PTCSC3: variants seen among roughly 807,000 people sequenced by gnomAD.
PTCSC3 encodes papillary thyroid carcinoma susceptibility candidate 3 (non-protein coding).
intron 3 of PTCSC3, among the ~76,000 whole-genome samples, chr14:36,139,047 G>A (rs1228586242): frequency 6.6e-6 from 1 of 151,074 alleles, no homozygotes; most frequent in Non-Finnish European, 1.5e-5. Flanking sequence ...CCAGGAGGCG[G>A]AGCTTGCACT....
chr14:36,143,181 G>C (rs1881467563), intron 3 of PTCSC3, among the ~76,000 whole-genome samples: 1 of 148,810 alleles, frequency 6.7e-6, no homozygotes, highest in Admixed American at 6.7e-5. Context: ...CCAGTAATGG[G>C]ATGGCTGGGT....
chr14:36,154,214 C>T (rs1044386557), intron 2 of PTCSC3, among the ~76,000 whole-genome samples: 5 of 151,972 alleles, frequency 3.3e-5, no homozygotes, highest in African/African-American at 1.2e-4. Context: ...AAGGAGATAA[C>T]GAGTGGGAGG....
chr14:36,154,828 T>G (rs1482626410), intron 2 of PTCSC3, among the ~76,000 whole-genome samples: 1 of 152,190 alleles, frequency 6.6e-6, no homozygotes, highest in Non-Finnish European at 1.5e-5. Context: ...TGTCTGTAAA[T>G]AATTTTAATT....
At chr14:36,140,663 C>A (rs566382651) in intron 3 of PTCSC3, among the ~76,000 whole-genome samples, 2 of 152,090 alleles carry the variant, frequency 1.3e-5, no homozygotes, top group Non-Finnish European at 2.9e-5. Flanking sequence ...ATAGTTCATC[C>A]ATTTTTTAAT....
intron 2 of PTCSC3, among the ~76,000 whole-genome samples, chr14:36,156,444 T>C (rs1881827481): frequency 6.7e-6 from 1 of 150,032 alleles, no homozygotes; most frequent in South Asian, 2.1e-4. Flanking sequence ...CATTCATTCC[T>C]TTTTCTTTTT....
chr14:36,166,017 T>G (rs537871721), intron 1 of PTCSC3, among the ~76,000 whole-genome samples: 1 of 152,300 alleles, frequency 6.6e-6, no homozygotes, highest in South Asian at 2.1e-4. Context: ...CTAAACTTAC[T>G]GCAAAATAAA....
chr14:36,157,991 T>G (rs932702339), intron 2 of PTCSC3, among the ~76,000 whole-genome samples: 10 of 152,216 alleles, frequency 6.6e-5, no homozygotes, highest in African/African-American at 2.4e-4. Flanking sequence ...TAAGTTGGAT[T>G]CCTAGGTGTT....
intron 1 of PTCSC3, among the ~76,000 whole-genome samples, chr14:36,169,673 C>T (rs1242919629): frequency 6.6e-6 from 1 of 152,126 alleles, no homozygotes; most frequent in African/African-American, 2.4e-5. Context: ...AGCAGTACCT[C>T]TTTGTCCTCC....
At chr14:36,159,714 A>G (rs1174082347) in intron 2 of PTCSC3, among the ~76,000 whole-genome samples, 1 of 152,188 alleles carries the variant, frequency 6.6e-6, no homozygotes, top group East Asian at 1.9e-4. Context: ...AAGAATGTAT[A>G]TTCTGTTGAT....
At chr14:36,142,941 AATG>A (rs2139089629) in intron 3 of PTCSC3, among the ~76,000 whole-genome samples, 1 of 151,856 alleles carries the variant, frequency 6.6e-6, no homozygotes, top group African/African-American at 2.4e-5. Flanking sequence ...GTTTACTGAG[AATG>A]ATGATTTCCA....
rs1882270444 is a variant in PTCSC3 at position 36,175,705 on chromosome 14, A to G, written n.171+593T>C. Among the ~76,000 whole-genome samples, 6 of 152,362 alleles carry G rather than the reference A, an allele frequency of 3.9e-5. No homozygotes were observed. The South Asian group carries it at 1.2e-3, about 32-fold the overall frequency. On this transcript the variant is annotated intron_variant and non_coding_transcript_variant, in intron 1 of 3. Coordinates refer to ENST00000556013, the Ensembl canonical transcript of PTCSC3. ...TATGACTTATCTACCAATTAACTCT[A>G]TGATCTTGGGCCTACAGCTATATTT...
intron 1 of PTCSC3, among the ~76,000 whole-genome samples, chr14:36,175,116 C>T (rs1882259929): frequency 6.6e-6 from 1 of 152,164 alleles, no homozygotes. Context: ...ATTCAGGCTC[C>T]ATAGTTTCTA....
At position 36,138,941 on chromosome 14, in the gene PTCSC3, C is replaced by T. The variant is rs139840239; in HGVS notation, n.323-2585G>A. On this transcript the variant is annotated intron_variant and non_coding_transcript_variant, in intron 3 of 3. Coordinates refer to ENST00000556013, the Ensembl canonical transcript of PTCSC3. ...CATCCTGGCTAACACGGTGAAACCC[C>T]GTCTCTACTAAAAATACAAAAAATT... Among the ~76,000 whole-genome samples the T allele has an allele frequency of 2.8e-3, 419 of 151,826 alleles. 1 individual carries two copies. The highest frequency in any genetic ancestry group is 3.8e-3 in the Non-Finnish European group (255 of 67,932).
intron 3 of PTCSC3, among the ~76,000 whole-genome samples, chr14:36,149,920 G>T (rs1291202251): frequency 6.6e-6 from 1 of 152,012 alleles, no homozygotes; most frequent in Non-Finnish European, 1.5e-5. Flanking sequence ...TTGGACTTTG[G>T]AATATTTGTA....
At chr14:36,159,012 T>A (rs1250728951) in intron 2 of PTCSC3, among the ~76,000 whole-genome samples, 1 of 152,114 alleles carries the variant, frequency 6.6e-6, no homozygotes. Context: ...ATTTATCCAT[T>A]TCTTCTAGAT....
intron 1 of PTCSC3, among the ~76,000 whole-genome samples, chr14:36,169,632 TATCA>T (rs1428400614): frequency 7.2e-5 from 11 of 152,304 alleles, no homozygotes; most frequent in African/African-American, 2.6e-4. Context: ...TCTTTCTACC[TATCA>T]ATCTGGTTGT....
intron 3 of PTCSC3, among the ~76,000 whole-genome samples, chr14:36,152,812 T>A (rs774328990): frequency 3.3e-5 from 5 of 151,254 alleles, no homozygotes; most frequent in Non-Finnish European, 7.4e-5. Context: ...GAGAATTGCT[T>A]GAACCCAGGA....
chr14:36,159,181 T>TAA (rs200950314), intron 2 of PTCSC3, among the ~76,000 whole-genome samples: 49 of 146,454 alleles, frequency 3.3e-4, no homozygotes, highest in East Asian at 2.8e-3. Context: ...TGTTGATCTT[T>TAA]AAAAAAAAAA....
chr14:36,160,970 A>T (rs1881943223), intron 2 of PTCSC3, among the ~76,000 whole-genome samples: 1 of 151,860 alleles, frequency 6.6e-6, no homozygotes, highest in Non-Finnish European at 1.5e-5. Context: ...TATTTCATTA[A>T]GTTGATCTTC....
Sources: gnomAD v4.1 joint callset for allele counts (sites outside exome capture counted in the v4.1 genomes callset) on GRCh38, gnomAD v4.1.1 for gene constraint, MANE v1.5 for transcripts, NCBI Gene and HGNC (gene_info 2026-07-23, HGNC 2026-07-21) for gene names.